The following PSMA1 variants were observed in gnomAD, a reference collection of about 807,000 sequenced individuals.
The protein encoded by PSMA1 is proteasome 20S subunit alpha 1, also known as proteasome subunit alpha type-1.
PSMA1 carries 3 observed loss-of-function variants against 38.4 expected under a neutral mutation model. The observed-to-expected ratio is 0.08, with a 90% CI of 0.04 to 0.20. The LOEUF (loss-of-function observed/expected upper bound fraction) is 0.20. Among genes scored for constraint, PSMA1 ranks in the 10% least tolerant of loss-of-function variants. The probability of loss-of-function intolerance (pLI) is 1.00; values close to 1 mark genes in which losing one functional copy is unlikely to be tolerated. For synonymous variants in PSMA1, 101 were observed against 107.1 expected, an observed-to-expected ratio of 0.94 and a Z score of 0.35; for missense variants, 227 against 325.3, an observed-to-expected ratio of 0.70 and a Z score of 2.32.
chr11:14,599,993 C>G (rs542155713), intron 2 of PSMA1, among the ~76,000 whole-genome samples: 106 of 152,328 alleles, frequency 7.0e-4, no homozygotes, highest in African/African-American at 2.5e-3. Context: ...TCCTAACAGT[C>G]AAGTCCCTCA....
At chr11:14,572,497 T>C (rs1034617124) in intron 2 of PSMA1, among the ~76,000 whole-genome samples, 1 of 152,328 alleles carries the variant, frequency 6.6e-6, no homozygotes, top group Admixed American at 6.5e-5. Context: ...CCAGAAACTC[T>C]GGGACACATT....
At position 14,616,435 on chromosome 11, in the gene PSMA1, G is replaced by A. The variant is rs567995616; in HGVS notation, c.-165-5284C>T. Reference sequence around the variant, plus strand: ...TTAGTAGGGATGGAGGTCTCACCATGTTGGCTAGGCTGGTCTCGAACTCCT... The same window carrying A: ...TTAGTAGGGATGGAGGTCTCACCATATTGGCTAGGCTGGTCTCGAACTCCT... On this transcript the variant is annotated intron_variant, in intron 1 of 10. Coordinates refer to the PSMA1 transcript ENST00000418988. Among the ~76,000 whole-genome samples the A allele has an allele frequency of 5.7e-4, 86 of 152,002 alleles. 1 individual carries two copies. Among genetic ancestry groups the A allele is most frequent in the African/African-American group, 1.9e-3 (80 of 41,474 alleles).
At chr11:14,610,357 C>A (rs1565057783) in intron 2 of PSMA1, among the ~76,000 whole-genome samples, 1 of 298 alleles carries the variant, frequency 3.4e-3, no homozygotes, top group African/African-American at 0.01. Flanking sequence ...ACACAGCCTC[C>A]GAAGATGTCT....
intron 1 of PSMA1, among the ~76,000 whole-genome samples, chr11:14,632,280 G>A (rs1467051436): frequency 3.3e-5 from 5 of 149,806 alleles, no homozygotes; most frequent in Admixed American, 2.0e-4. Context: ...TTTACATTTT[G>A]GCATGATTTT....
rs536153017 is a variant in PSMA1, at chr11:14,625,824, C to T, written c.-165-14673G>A. On this transcript the variant is annotated intron_variant, in intron 1 of 10. Transcript: ENST00000418988. Reference sequence around the variant, plus strand: ...CCATTTATCTTTCATAGGCACTTTCCACAATAAGTCACTTGCACGTCTAAT... The same window carrying T: ...CCATTTATCTTTCATAGGCACTTTCTACAATAAGTCACTTGCACGTCTAAT... Among the ~76,000 whole-genome samples, 3 of 152,312 alleles carry T rather than the reference C, an allele frequency of 2.0e-5. No homozygotes were observed. In the South Asian group the frequency reaches 6.2e-4, roughly 32 times the overall value.
At chr11:14,596,768 C>G (rs186872135) in intron 2 of PSMA1, among the ~76,000 whole-genome samples, 7 of 152,334 alleles carry the variant, frequency 4.6e-5, no homozygotes, top group East Asian at 3.9e-4. Flanking sequence ...CTGGCCAGAA[C>G]TTCCAACGCT....
intron 2 of PSMA1, among the ~76,000 whole-genome samples, chr11:14,583,091 G>A (rs978880067): frequency 2.6e-5 from 4 of 152,156 alleles, no homozygotes; most frequent in African/African-American, 9.7e-5. Context: ...AACTTACAGG[G>A]ACCATTGGCC....
intron 2 of PSMA1, among the ~76,000 whole-genome samples, chr11:14,553,045 G>A (rs892712540): frequency 4.6e-5 from 7 of 152,020 alleles, no homozygotes; most frequent in East Asian, 1.9e-4. Flanking sequence ...GGCTGATCTC[G>A]AATTCCTGGG....
intron 2 of PSMA1, among the ~76,000 whole-genome samples, chr11:14,557,446 G>A (rs1043075098): frequency 6.6e-6 from 1 of 152,086 alleles, no homozygotes; most frequent in Non-Finnish European, 1.5e-5. Context: ...GTTTCACCAT[G>A]TTGGCCAGGA....
At chr11:14,599,049 A>C (rs1485596719) in intron 2 of PSMA1, among the ~76,000 whole-genome samples, 17 of 152,140 alleles carry the variant, frequency 1.1e-4, no homozygotes, top group Non-Finnish European at 2.2e-4. Context: ...TTTCTTTAAG[A>C]ATGTTGAATA....
chr11:14,567,912 C>T (rs1393867333), intron 2 of PSMA1, among the ~76,000 whole-genome samples: 1 of 152,106 alleles, frequency 6.6e-6, no homozygotes, highest in Non-Finnish European at 1.5e-5. Context: ...GATAAGCTTC[C>T]TTCGGGTAGG....
chr11:14,517,162 T>A (rs1383878773), intron 4 of PSMA1, among the ~76,000 whole-genome samples: 1 of 152,182 alleles, frequency 6.6e-6, no homozygotes, highest in Admixed American at 6.5e-5. Context: ...TACATTTGAG[T>A]TTATAGATAA....
intron 2 of PSMA1, among the ~76,000 whole-genome samples, chr11:14,547,375 C>T (rs930303565): frequency 1.3e-5 from 2 of 152,104 alleles, no homozygotes; most frequent in East Asian, 1.9e-4. Flanking sequence ...TATTTCTTTT[C>T]GTCATTAACA....
intron 2 of PSMA1, among the ~76,000 whole-genome samples, chr11:14,552,874 A>G (rs1851902325): frequency 7.4e-6 from 1 of 135,510 alleles, no homozygotes; most frequent in Non-Finnish European, 1.5e-5. Flanking sequence ...CCCAGGCTGG[A>G]GTGTAGTAGT....
At chr11:14,537,804 G>C (rs887266652) in intron 2 of PSMA1, among the ~76,000 whole-genome samples, 20 of 150,682 alleles carry the variant, frequency 1.3e-4, no homozygotes, top group Non-Finnish European at 2.5e-4. Flanking sequence ...CATCTCCCAG[G>C]TTCAAGTGAT....
intron 1 of PSMA1, among the ~76,000 whole-genome samples, chr11:14,627,764 T>C (rs1055070578): frequency 6.6e-6 from 1 of 152,238 alleles, no homozygotes; most frequent in Non-Finnish European, 1.5e-5. Context: ...CTTTATATTC[T>C]GATAAAACAA....
exon 2 of PSMA1, chr11:14,611,138 G>A (rs1852703796): frequency 1.5e-6 from 1 of 671,146 alleles, no homozygotes; most frequent in Middle Eastern, 2.9e-4. Context: ...CATGCTTTTT[G>A]CAGGGTGGAA....
chr11:14,562,306 C>T (rs977776824), intron 2 of PSMA1, among the ~76,000 whole-genome samples: 1 of 152,200 alleles, frequency 6.6e-6, no homozygotes, highest in South Asian at 2.1e-4. Context: ...ATTGAGAAAG[C>T]TTGTTATAGC....
At chr11:14,569,895 C>A (rs1023686602) in intron 2 of PSMA1, among the ~76,000 whole-genome samples, 8 of 152,220 alleles carry the variant, frequency 5.3e-5, no homozygotes, top group Non-Finnish European at 1.2e-4. Context: ...GATCTGAGAA[C>A]AGACAGACTG....
Sources: gnomAD v4.1 joint callset for allele counts (sites outside exome capture counted in the v4.1 genomes callset) on GRCh38, gnomAD v4.1.1 for gene constraint, MANE v1.5 for transcripts, NCBI Gene and HGNC (gene_info 2026-07-23, HGNC 2026-07-21) for gene names.